Variants in LCORL observed in about 807,000 individuals in gnomAD.
LCORL encodes the protein ligand-dependent nuclear receptor corepressor-like protein.
A neutral mutation model predicts 141.8 loss-of-function variants in LCORL; 41 were observed. The ratio of observed to expected loss-of-function variants is 0.29; its 90% CI spans 0.23 to 0.38. The LOEUF (loss-of-function observed/expected upper bound fraction) is 0.38. Among genes scored for constraint, LCORL ranks in the 10% least tolerant of loss-of-function variants. The pLI is 1.00. For missense variants in LCORL, 1,759 were observed against 2,035.0 expected, an observed-to-expected ratio of 0.86 and a Z score of 2.61; for synonymous variants, 618 against 694.1, an observed-to-expected ratio of 0.89 and a Z score of 1.72.
chr4:17,923,391 A>G (rs755927362), intron 4 of LCORL, among the ~76,000 whole-genome samples: 1 of 152,234 alleles, frequency 6.6e-6, no homozygotes, highest in Non-Finnish European at 1.5e-5. Flanking sequence ...CATGCCTATA[A>G]TCCCAACACT....
intron 4 of LCORL, among the ~76,000 whole-genome samples, chr4:17,923,440 G>A (rs905033489): frequency 6.6e-6 from 1 of 152,232 alleles, no homozygotes; most frequent in Admixed American, 6.5e-5. Context: ...GAGGTCAGGA[G>A]TTCGAGACCA....
exon 7 of LCORL, chr4:17,875,803 T>G: frequency 1.6e-6 from 2 of 1,231,256 alleles, no homozygotes; most frequent in Non-Finnish European, 2.0e-6. Context: ...GAATTGTCCT[T>G]AGGTTCTTCT....
At chr4:17,916,703 G>A (rs905347691) in intron 4 of LCORL, among the ~76,000 whole-genome samples, 6 of 148,506 alleles carry the variant, frequency 4.0e-5, no homozygotes, top group African/African-American at 1.5e-4. Flanking sequence ...GGAGTGCAGA[G>A]GCATGATCTT....
At chr4:17,851,511 A>C (rs1351873273) in intron 7 of LCORL, among the ~76,000 whole-genome samples, 1 of 152,160 alleles carries the variant, frequency 6.6e-6, no homozygotes, top group East Asian at 1.9e-4. Flanking sequence ...ATACTGTTTC[A>C]TATTTGTACA....
chr4:17,923,778 T>C (rs1357084741), intron 4 of LCORL, among the ~76,000 whole-genome samples: 1 of 152,084 alleles, frequency 6.6e-6, no homozygotes, highest in Non-Finnish European at 1.5e-5. Flanking sequence ...AATTAGTCAC[T>C]TGAGACCCAC....
intron 1 of LCORL, among the ~76,000 whole-genome samples, chr4:17,993,849 A>G (rs1720460096): frequency 1.3e-5 from 2 of 152,222 alleles, no homozygotes; most frequent in Non-Finnish European, 2.9e-5. Flanking sequence ...TAGGTGATGG[A>G]AGTTTACCTG....
intron 4 of LCORL, among the ~76,000 whole-genome samples, chr4:17,952,987 G>C (rs1711754591): frequency 6.6e-6 from 1 of 151,892 alleles, no homozygotes. Flanking sequence ...GTGAGAACAT[G>C]TGATACTTTT....
At chr4:17,866,739 G>A (rs1725709827) in intron 7 of LCORL, among the ~76,000 whole-genome samples, 2 of 152,030 alleles carry the variant, frequency 1.3e-5, no homozygotes, top group Non-Finnish European at 1.5e-5. Flanking sequence ...TAGGCTTAAC[G>A]TTACGATAAT....
At chr4:17,971,384 CTG>C (rs1443830096) in intron 2 of LCORL, among the ~76,000 whole-genome samples, 1 of 151,634 alleles carries the variant, frequency 6.6e-6, no homozygotes, top group East Asian at 1.9e-4. Flanking sequence ...AACAACATAA[CTG>C]TTAATATCTG....
intron 7 of LCORL, among the ~76,000 whole-genome samples, chr4:17,855,398 TAA>T (rs1279145993): frequency 6.6e-6 from 1 of 152,210 alleles, no homozygotes; most frequent in Non-Finnish European, 1.5e-5. Context: ...CAACCAACTG[TAA>T]AAGACTGCAA....
intron 1 of LCORL, among the ~76,000 whole-genome samples, chr4:17,998,186 G>GA (rs1305976041): frequency 1.3e-5 from 2 of 152,282 alleles, no homozygotes; most frequent in East Asian, 3.9e-4. Context: ...CACTTACCAT[G>GA]AATGGAGCTT....
exon 7 of LCORL, chr4:17,874,163 T>G: frequency 8.1e-7 from 1 of 1,234,020 alleles, no homozygotes; most frequent in African/African-American, 1.5e-5. Context: ...GCTTTCCCTC[T>G]CTTTTCCACC....
At chr4:17,896,202 G>A (rs1729894487) in intron 5 of LCORL, among the ~76,000 whole-genome samples, 1 of 152,070 alleles carries the variant, frequency 6.6e-6, no homozygotes. Flanking sequence ...AACACTTCTT[G>A]TATCTTTTAG....
chr4:17,953,993 C>A (rs912065644), intron 4 of LCORL, among the ~76,000 whole-genome samples: 2 of 152,080 alleles, frequency 1.3e-5, no homozygotes, highest in African/African-American at 4.8e-5. Flanking sequence ...GAAACCCCGT[C>A]TCTACTAAAA....
chr4:17,845,732 C>T (rs150530693), exon 8 of LCORL: 30 of 1,606,226 alleles, frequency 1.9e-5, no homozygotes, highest in African/African-American at 1.3e-4. Context: ...TATTTCTCTT[C>T]GCTTTTGAGA....
intron 2 of LCORL, among the ~76,000 whole-genome samples, chr4:17,970,651 A>G (rs966780489): frequency 6.6e-6 from 1 of 152,212 alleles, no homozygotes; most frequent in Non-Finnish European, 1.5e-5. Context: ...AGTTGCTACG[A>G]ATACAAGGTT....
chr4:17,872,796 T>G (rs1245407224), intron 7 of LCORL, among the ~76,000 whole-genome samples: 1 of 152,196 alleles, frequency 6.6e-6, no homozygotes, highest in African/African-American at 2.4e-5. Context: ...GTTTGCTGAT[T>G]TATTTTAAAA....
chr4:18,019,360 A>C (rs1478994349), intron 1 of LCORL, among the ~76,000 whole-genome samples: 1 of 152,208 alleles, frequency 6.6e-6, no homozygotes, highest in Admixed American at 6.5e-5. Flanking sequence ...ATAACAAAGA[A>C]TATGAGACAG....
At chr4:17,967,846 C>CT (rs1229369819) in intron 2 of LCORL, among the ~76,000 whole-genome samples, 10 of 151,324 alleles carry the variant, frequency 6.6e-5, no homozygotes, top group Middle Eastern at 3.4e-3. Flanking sequence ...TTTGCCATTA[C>CT]TTTTTTTTTC....
Sources: allele counts gnomAD v4.1 joint callset (sites outside exome capture counted in the v4.1 genomes callset), GRCh38; gene constraint gnomAD v4.1.1; transcripts MANE v1.5; gene names NCBI Gene and HGNC (gene_info 2026-07-23, HGNC 2026-07-21).